The following TANK variants were observed in gnomAD, a reference collection of about 807,000 sequenced individuals.
TANK encodes the protein TRAF family member associated NFKB activator, also known as TRAF family member-associated NF-kappa-B activator.
Under a neutral mutation model 43.6 loss-of-function variants are expected in TANK, and 15 were observed. That is an observed-to-expected ratio of 0.34 (90% confidence interval 0.23 to 0.53). The LOEUF (loss-of-function observed/expected upper bound fraction) is 0.53. Among genes scored for constraint, TANK ranks in the 20% least tolerant of loss-of-function variants. TANK has a pLI of 0.94. For missense variants in TANK, 417 were observed against 498.6 expected, an observed-to-expected ratio of 0.84 and a Z score of 1.56; for synonymous variants, 162 against 178.2, an observed-to-expected ratio of 0.91 and a Z score of 0.73.
At chr2:161,232,728 A>T (rs1249218970) in intron 7 of TANK, 1 of 1,547,796 alleles carries the variant, frequency 6.5e-7, no homozygotes, top group Non-Finnish European at 8.7e-7. Flanking sequence ...TTGTTCTTTT[A>T]CTAGTCTGTG....
intron 4 of TANK, among the ~76,000 whole-genome samples, chr2:161,217,827 C>G (rs1355066825): frequency 6.6e-6 from 1 of 151,954 alleles, no homozygotes; most frequent in African/African-American, 2.4e-5. Flanking sequence ...GACATCAACC[C>G]TAAGATGATT....
At chr2:161,214,014 G>A (rs958023037) in intron 4 of TANK, among the ~76,000 whole-genome samples, 4 of 151,918 alleles carry the variant, frequency 2.6e-5, no homozygotes, top group African/African-American at 9.7e-5. Context: ...TCTTGCAAAT[G>A]TTGACCTATT....
chr2:161,161,372 C>T, intron 1 of TANK: 2 of 1,550,742 alleles, frequency 1.3e-6, no homozygotes, highest in Non-Finnish European at 1.7e-6. Context: ...AGAAAATGAC[C>T]TGCCTTCTTA....
chr2:161,211,787 G>A (rs1686900355), intron 4 of TANK: 1 of 985,326 alleles, frequency 1.0e-6, no homozygotes, highest in Admixed American at 6.1e-5. Context: ...GTAGGCTGGG[G>A]CTTAGAGAAC....
intron 2 of TANK, 77 bp downstream of exon 2, chr2:161,179,838 T>C: frequency 6.7e-7 from 1 of 1,494,540 alleles, no homozygotes; most frequent in Non-Finnish European, 9.0e-7. Context: ...CTGAAAAATG[T>C]TATATTGTTA....
chr2:161,190,034 G>T (rs541750911), intron 2 of TANK, among the ~76,000 whole-genome samples: 27 of 152,260 alleles, frequency 1.8e-4, no homozygotes, highest in African/African-American at 5.8e-4. Flanking sequence ...TATCAACAGA[G>T]TGAAAAGGCA....
upstream of TANK, among the ~76,000 whole-genome samples, chr2:161,155,694 C>G (rs943871768): frequency 6.6e-6 from 1 of 152,144 alleles, no homozygotes; most frequent in South Asian, 2.1e-4. Context: ...GGATTCTTGT[C>G]GAACTTTTTC....
chr2:161,150,375 T>C (rs755328179), intron 1 of TANK, among the ~76,000 whole-genome samples: 2 of 152,070 alleles, frequency 1.3e-5, no homozygotes, highest in Non-Finnish European at 2.9e-5. Context: ...CTCTTTTTCT[T>C]ATCGATTTAA....
intron 2 of TANK, among the ~76,000 whole-genome samples, chr2:161,186,940 A>G (rs111432067): frequency 0.016 from 2,502 of 152,304 alleles, 64 homozygotes; most frequent in African/African-American, 0.056. Flanking sequence ...AATCATTAGG[A>G]AAATGGAAAT....
At chr2:161,160,518 C>T (rs1035742217) in intron 1 of TANK, 32 bp downstream of exon 1, 64 of 1,287,404 alleles carry the variant, frequency 5.0e-5, no homozygotes, top group Non-Finnish European at 6.1e-5. Context: ...TTGGTGTGTC[C>T]GAATCCGTCA....
intron 2 of TANK, among the ~76,000 whole-genome samples, chr2:161,194,216 C>CA (rs1169864490): frequency 5.9e-5 from 9 of 151,922 alleles, no homozygotes; most frequent in African/African-American, 1.9e-4. Flanking sequence ...AGAAAACCTG[C>CA]AGCTGGCCTC....
intron 2 of TANK, among the ~76,000 whole-genome samples, chr2:161,189,218 A>G (rs1685804403): frequency 1.3e-5 from 2 of 152,230 alleles, no homozygotes; most frequent in Admixed American, 1.3e-4. Flanking sequence ...CCTATAATGC[A>G]GTAATGGTTC....
intron 4 of TANK, among the ~76,000 whole-genome samples, chr2:161,210,554 G>A (rs1291158614): frequency 3.3e-5 from 5 of 151,782 alleles, no homozygotes; most frequent in Non-Finnish European, 5.9e-5. Flanking sequence ...AAAATTAGCC[G>A]GGCGTGGTGG....
At chr2:161,181,494 T>C (rs1386704703) in intron 2 of TANK, among the ~76,000 whole-genome samples, 1 of 151,968 alleles carries the variant, frequency 6.6e-6, no homozygotes. Context: ...TTTAATTGAC[T>C]TACAGTTCCA....
At chr2:161,230,924 A>G (rs1687879650) in intron 6 of TANK, 47 bp from the exon 7 acceptor site, 1 of 1,425,918 alleles carries the variant, frequency 7.0e-7, no homozygotes. Flanking sequence ...AGATTTTTTT[A>G]ATGATTTGAA....
At chr2:161,160,117 T>G (rs987241263), upstream of TANK, 1 of 305,024 alleles carries the variant, frequency 3.3e-6, no homozygotes, top group Non-Finnish European at 6.0e-6. Flanking sequence ...ATTTATTTAC[T>G]GGTTATTTAT....
At chr2:161,202,906 G>A (rs1287244405) in intron 2 of TANK, 1 of 460,572 alleles carries the variant, frequency 2.2e-6, no homozygotes, top group East Asian at 7.2e-5. Context: ...ACAATATAAG[G>A]GAAACTGGCA....
chr2:161,193,472 C>T (rs546955672), intron 2 of TANK, among the ~76,000 whole-genome samples: 1 of 152,164 alleles, frequency 6.6e-6, no homozygotes, highest in Non-Finnish European at 1.5e-5. Flanking sequence ...GTAATCCCAG[C>T]GCTTTGAGAG....
At chr2:161,175,736 C>T (rs568610941) in intron 1 of TANK, among the ~76,000 whole-genome samples, 1 of 152,162 alleles carries the variant, frequency 6.6e-6, no homozygotes, top group Admixed American at 6.6e-5. Flanking sequence ...ACAGGCACAC[C>T]ATGGGCAATC....
Sources: allele counts gnomAD v4.1 joint callset (sites outside exome capture counted in the v4.1 genomes callset), GRCh38; gene constraint gnomAD v4.1.1; transcripts MANE v1.5; gene names NCBI Gene and HGNC (gene_info 2026-07-23, HGNC 2026-07-21).